FRMD3: variants seen among roughly 807,000 people sequenced by gnomAD.
The protein encoded by FRMD3 is FERM domain containing 3, also known as FERM domain-containing protein 3.
A neutral mutation model predicts 70.2 loss-of-function variants in FRMD3; 33 were observed. The observed-to-expected ratio is 0.47, with a 90% CI of 0.36 to 0.63. FRMD3 has a LOEUF of 0.63. Ranked by LOEUF, FRMD3 falls within the 20% of genes least tolerant of loss-of-function variation. FRMD3 has a pLI of 0.00. For missense variants in FRMD3, 632 were observed against 711.4 expected, an observed-to-expected ratio of 0.89 and a Z score of 1.27; for synonymous variants, 279 against 255.9, an observed-to-expected ratio of 1.09 and a Z score of -0.86.
chr9:83,301,043 G>A (rs546785999), intron 10 of FRMD3, among the ~76,000 whole-genome samples: 3 of 152,306 alleles, frequency 2.0e-5, no homozygotes, highest in Admixed American at 2.0e-4. Flanking sequence ...ATGGGCAAGG[G>A]AGGGCACAGG....
Position 83,537,306 on chromosome 9 carries a change from G to A in FRMD3, c.147+779C>T, listed in dbSNP as rs1002423929. Among the ~76,000 whole-genome samples the A allele has an allele frequency of 1.3e-5, 2 of 152,184 alleles. No individual in the cohort carries two copies. Among genetic ancestry groups the A allele is most frequent in the African/African-American group, 2.4e-5 (1 of 41,458 alleles). The stretch of plus-strand genomic sequence containing the variant: ...CAACTCGCCTTCTCCTCCAACTTGG[G>A]CGACAGTGAATGTCCACCAAGATTC... On this transcript the variant is annotated intron_variant, in intron 1 of 13. Transcript: ENST00000304195. This position sits in a 1 kb window ranked among gnomAD's most constrained non-coding sequence, Gnocchi z 4.1.
chr9:83,312,996 G>C (rs759498234), intron 7 of FRMD3, among the ~76,000 whole-genome samples: 1 of 152,232 alleles, frequency 6.6e-6, no homozygotes, highest in Non-Finnish European at 1.5e-5. Context: ...GCTTAGTTTA[G>C]GATTAGGACT....
At position 83,497,457 on chromosome 9, in the gene FRMD3, C is replaced by T. The variant is rs11140125; in HGVS notation, c.147+40628G>A. On this transcript the variant is annotated intron_variant, in intron 1 of 13. Transcript: ENST00000304195. ...AGCCTCCCAAATTACTTCTAAGTGG[C>T]GTAATGGAAATAGCTTACAATTTCA... Among the ~76,000 whole-genome samples the T allele has an allele frequency of 5.5e-3, 830 of 152,246 alleles. 13 individuals carry two copies. The highest frequency in any genetic ancestry group is 0.019 in the African/African-American group (793 of 41,530).
chr9:83,507,687 C>CACATATAT lies in FRMD3; in HGVS notation c.147+30397_147+30398insATATATGT, dbSNP rs1374507996. Among the ~76,000 whole-genome samples, 16 of 46,896 alleles carry CACATATAT rather than the reference C, an allele frequency of 3.4e-4. 1 individual carries two copies. Among genetic ancestry groups the CACATATAT allele is most frequent in the East Asian group, 6.1e-4 (1 of 1,634 alleles). The allele number at this position is 46,896 out of a possible 152,430, so 30.8% of individuals were successfully genotyped here. ...TCCGTCTCAAACAAAAAAAAATATA[C>CACATATAT]ATACATATATATATATATATATATA... On this transcript the variant is annotated intron_variant, in intron 1 of 13. Coordinates refer to ENST00000304195, the MANE Select transcript of FRMD3 (RefSeq NM_174938.6).
chr9:83,338,038 A>G (rs1293107107), intron 5 of FRMD3, among the ~76,000 whole-genome samples: 2 of 152,246 alleles, frequency 1.3e-5, no homozygotes, highest in Admixed American at 1.3e-4. Flanking sequence ...ATCTAGAATA[A>G]AGAAGAAATC....
intron 13 of FRMD3, among the ~76,000 whole-genome samples, chr9:83,274,988 C>T (rs1399449183): frequency 6.6e-6 from 1 of 152,136 alleles, no homozygotes; most frequent in African/African-American, 2.4e-5. Context: ...GCTGGGACAG[C>T]TGTGTACATA....
chr9:83,290,721 G>T lies in FRMD3; in HGVS notation c.1077C>A (p.Asn359Lys), dbSNP rs770814755. 1.2e-6 allele frequency: 2 copies of T among 1,606,864 alleles called. No homozygotes were observed. Among genetic ancestry groups the T allele is most frequent in the African/African-American group, 2.7e-5 (2 of 74,618 alleles). ...AGTGGGAACTGCGGCTCTGAGTAAT[G>T]TTGGCTCTGAAAACAGACACAAGCC... ...QREPPEVHRANITQSRSSHSL... is the reference protein window; with the variant it reads ...QREPPEVHRAKITQSRSSHSL... Residue 359 changes from asparagine to lysine, a missense_variant, in exon 13 of 14, where the codon AAC becomes AAA. This residue lies in a region of FRMD3 where 418 missense variants were observed against 442.1 expected (regional missense o/e 0.95). Transcript: ENST00000304195.
chr9:83,248,628 T>C, intron 13 of FRMD3, 112 bp from the exon 14 acceptor site: 2 of 1,151,458 alleles, frequency 1.7e-6, no homozygotes, highest in Non-Finnish European at 2.4e-6. Context: ...ATCTATGAAA[T>C]TATTCTGTGG....
At chr9:83,502,528 A>G (rs182016101) in intron 1 of FRMD3, among the ~76,000 whole-genome samples, 201 of 152,358 alleles carry the variant, frequency 1.3e-3, no homozygotes, top group Middle Eastern at 3.4e-3. Flanking sequence ...TGGGCCCAAT[A>G]GAAGAAAGAA....
At chr9:83,527,674 A>G (rs1188325020) in intron 1 of FRMD3, among the ~76,000 whole-genome samples, 2 of 152,124 alleles carry the variant, frequency 1.3e-5, no homozygotes, top group African/African-American at 4.8e-5. Context: ...TCTGCATTTG[A>G]ACAAGAGCAC....
intron 1 of FRMD3, among the ~76,000 whole-genome samples, chr9:83,413,666 T>C (rs1286313932): frequency 1.3e-5 from 2 of 152,184 alleles, no homozygotes; most frequent in Admixed American, 6.5e-5. Flanking sequence ...TGCCTGCCCA[T>C]TCTGTAGCTT....
intron 3 of FRMD3, among the ~76,000 whole-genome samples, chr9:83,371,928 T>A (rs1824986696): frequency 6.6e-6 from 1 of 152,216 alleles, no homozygotes. Flanking sequence ...ATACGCTGCC[T>A]GCTAGTTTGT....
chr9:83,367,112 T>A (rs1339399648), intron 3 of FRMD3, among the ~76,000 whole-genome samples: 1 of 152,228 alleles, frequency 6.6e-6, no homozygotes, highest in African/African-American at 2.4e-5. Flanking sequence ...GCAAGGACTC[T>A]GCAAAACCAA....
chr9:83,420,191 C>T (rs1246044545), intron 1 of FRMD3, among the ~76,000 whole-genome samples: 1 of 152,170 alleles, frequency 6.6e-6, no homozygotes, highest in East Asian at 1.9e-4. Flanking sequence ...GGGATTCTAG[C>T]AGGCAGATGG....
Position 83,306,173 on chromosome 9 carries a change from A to C in FRMD3, c.926+3363T>G, listed in dbSNP as rs566166921. Among the ~76,000 whole-genome samples the C allele has an allele frequency of 3.3e-5, 5 of 152,358 alleles. No homozygotes were observed. In the South Asian group the frequency reaches 1.0e-3, roughly 32 times the overall value. ...CCAAGTTATTCTTTGATACGGACCCAGTGATTTCACTAAAGTATCTTCAAG... is the reference window on the plus strand; with the variant it reads ...CCAAGTTATTCTTTGATACGGACCCCGTGATTTCACTAAAGTATCTTCAAG... On this transcript the variant is annotated intron_variant, in intron 10 of 13. Transcript: ENST00000304195.
At chr9:83,338,763 T>C (rs1268374853) in intron 5 of FRMD3, among the ~76,000 whole-genome samples, 1 of 151,996 alleles carries the variant, frequency 6.6e-6, no homozygotes, top group Non-Finnish European at 1.5e-5. Context: ...GGAGTGGAAA[T>C]GGAGAATAAT....
the FRMD3 span, among the ~76,000 whole-genome samples, chr9:83,563,329 G>T: frequency 6.6e-6 from 1 of 152,202 alleles, no homozygotes; most frequent in Non-Finnish European, 1.5e-5. Flanking sequence ...CAGAGTGGGG[G>T]ACTGTTCTCC....
Position 83,461,663 on chromosome 9 carries a change from CCCTTTTTTTTTTTTTT to C in FRMD3, c.148-71971_148-71956del, listed in dbSNP as rs1199772985. Reference sequence around the variant, plus strand: ...AAAATCTTAATTCCTTCAGGAATTTCCCTTTTTTTTTTTTTTTTTTTTTTTTTTTTTTTTTTTTTTT... The same window carrying C: ...AAAATCTTAATTCCTTCAGGAATTTCTTTTTTTTTTTTTTTTTTTTTTTTT... On this transcript the variant is annotated intron_variant, in intron 1 of 13. Coordinates refer to ENST00000304195, the MANE Select transcript of FRMD3 (RefSeq NM_174938.6). Among the ~76,000 whole-genome samples, 206 of 126,068 alleles carry C rather than the reference CCCTTTTTTTTTTTTTT, an allele frequency of 1.6e-3. 2 individuals are homozygous for C. Among genetic ancestry groups the C allele is most frequent in the African/African-American group, 5.6e-3 (191 of 33,982 alleles). 82.7% of individuals were successfully genotyped at this position (126,068 alleles called of 152,430 possible).
intron 5 of FRMD3, among the ~76,000 whole-genome samples, chr9:83,341,538 G>A (rs1318399849): frequency 6.6e-6 from 1 of 152,016 alleles, no homozygotes; most frequent in Non-Finnish European, 1.5e-5. Flanking sequence ...CTAAGACAGT[G>A]CACCCTAACT....
Sources: gnomAD v4.1 joint callset for allele counts (sites outside exome capture counted in the v4.1 genomes callset) on GRCh38, gnomAD v4.1.1 for gene constraint, gnomAD v4.1.1 regional missense constraint, Gnocchi (gnomAD v3.1) non-coding constraint, MANE v1.5 for transcripts, NCBI Gene and HGNC (gene_info 2026-07-23, HGNC 2026-07-21) for gene names.